DPP10: variants seen among roughly 807,000 people sequenced by gnomAD.
DPP10 encodes the protein dipeptidyl peptidase like 10.
In DPP10, 33 loss-of-function variants were observed where a neutral mutation model predicts 120.9. The ratio of observed to expected loss-of-function variants is 0.27; its 90% confidence interval spans 0.21 to 0.37. The LOEUF is 0.37. Ranked by LOEUF, DPP10 falls within the 10% of genes least tolerant of loss-of-function variation. DPP10 has a pLI of 1.00. For missense variants in DPP10, 816 were observed against 942.8 expected, an observed-to-expected ratio of 0.87 and a Z score of 1.76; for synonymous variants, 337 against 326.1, an observed-to-expected ratio of 1.03 and a Z score of -0.36.
In DPP10 at chr2:114,724,319, A is replaced by G. The variant is rs150642125; in HGVS notation, c.60+281481A>G. Among the ~76,000 whole-genome samples the G allele has an allele frequency of 7.9e-3, 1,204 of 152,358 alleles. 15 individuals are homozygous for G. Among genetic ancestry groups the G allele is most frequent in the African/African-American group, 0.027 (1,133 of 41,586 alleles). On this transcript the variant is annotated intron_variant, in intron 1 of 25. Coordinates refer to ENST00000410059, the MANE Select transcript of DPP10 (RefSeq NM_020868.6). ...CTTATAACCTATAGTTCAATAACGT[A>G]TAATCAATCACTAATCAATGTTATC...
Position 114,881,578 on chromosome 2 carries a change from ATCTGTCTG to A in DPP10, c.61-427645_61-427638del, listed in dbSNP as rs746459323. 4.7e-3 allele frequency among the ~76,000 whole-genome samples: 468 copies of A among 99,162 alleles called. 5 individuals are homozygous for A. Among genetic ancestry groups the A allele is most frequent in the African/African-American group, 0.013 (440 of 32,894 alleles). 65.1% of individuals were successfully genotyped at this position (99,162 alleles called of 152,430 possible). The stretch of plus-strand genomic sequence containing the variant: ...CTATCTATGTATCATCTATCTATCT[ATCTGTCTG>A]TCTGTCTGTCTGTCTATCTATCTAT... On this transcript the variant is annotated intron_variant, in intron 1 of 25. Transcript: ENST00000410059.
chr2:115,200,543 G>A (rs7593121), intron 1 of DPP10, among the ~76,000 whole-genome samples: 84,731 of 152,088 alleles, frequency 0.56, 24,584 homozygotes, highest in Middle Eastern at 0.71. Flanking sequence ...TTCATTATGC[G>A]GAAGAATAAG....
intron 3 of DPP10, among the ~76,000 whole-genome samples, chr2:115,366,661 G>T (rs544110056): frequency 6.6e-6 from 1 of 152,022 alleles, no homozygotes; most frequent in African/African-American, 2.4e-5. Flanking sequence ...TTGAAGGAAG[G>T]TCTGTCTATC....
At chr2:114,571,023 C>T (rs536851804) in intron 1 of DPP10, among the ~76,000 whole-genome samples, 171 of 152,140 alleles carry the variant, frequency 1.1e-3, no homozygotes, top group African/African-American at 4.0e-3. Context: ...GACTCATCTA[C>T]TGGATCATAG....
intron 15 of DPP10, among the ~76,000 whole-genome samples, chr2:115,778,851 A>C (rs12992146): frequency 0.29 from 43,784 of 151,912 alleles, 6,784 homozygotes; most frequent in Middle Eastern, 0.44. Flanking sequence ...ACCTCCTGGA[A>C]CGCATGTTCT....
At chr2:115,307,147 G>T (rs1404837742) in intron 1 of DPP10, among the ~76,000 whole-genome samples, 2 of 152,026 alleles carry the variant, frequency 1.3e-5, no homozygotes, top group Non-Finnish European at 2.9e-5. Flanking sequence ...AATCTTACCA[G>T]ATTATTTTGA....
chr2:114,712,380 G>C (rs1701083495), intron 1 of DPP10, among the ~76,000 whole-genome samples: 1 of 152,096 alleles, frequency 6.6e-6, no homozygotes, highest in Admixed American at 6.6e-5. Flanking sequence ...CTTAATTTTG[G>C]AAATCCATAA....
chr2:114,939,524 C>A (rs1417870340), intron 1 of DPP10, among the ~76,000 whole-genome samples: 1 of 151,968 alleles, frequency 6.6e-6, no homozygotes, highest in African/African-American at 2.4e-5. Flanking sequence ...ACAAAACCTA[C>A]CTACTTTTGC....
At chr2:114,666,116 C>A (rs1697903621) in intron 1 of DPP10, among the ~76,000 whole-genome samples, 1 of 152,074 alleles carries the variant, frequency 6.6e-6, no homozygotes, top group Non-Finnish European at 1.5e-5. Context: ...GAGTTTTACC[C>A]ATCACTGAAC....
chr2:114,802,729 T>C (rs1357290960), intron 1 of DPP10, among the ~76,000 whole-genome samples: 2 of 152,196 alleles, frequency 1.3e-5, no homozygotes, highest in Non-Finnish European at 2.9e-5. Flanking sequence ...TTAGTTTTCC[T>C]TGTACATTAA....
chr2:115,429,123 T>C (rs1317908072), intron 3 of DPP10, among the ~76,000 whole-genome samples: 4 of 152,142 alleles, frequency 2.6e-5, no homozygotes, highest in Admixed American at 6.5e-5. Flanking sequence ...GTAATTATTT[T>C]AGTGAATAAA....
chr2:114,732,973 A>C (rs904644307), intron 1 of DPP10, among the ~76,000 whole-genome samples: 37 of 152,160 alleles, frequency 2.4e-4, no homozygotes, highest in African/African-American at 8.7e-4. Context: ...TCTATGCTCT[A>C]TTTCACTGCA....
intron 13 of DPP10, 46 bp downstream of exon 13, chr2:115,768,450 T>TCC: frequency 6.5e-7 from 1 of 1,547,986 alleles, no homozygotes; most frequent in Non-Finnish European, 8.9e-7. Flanking sequence ...TGTCCTCATG[T>TCC]CCCCGAAGGC....
chr2:114,443,777 T>G (rs554298899), intron 1 of DPP10, among the ~76,000 whole-genome samples: 6 of 152,018 alleles, frequency 3.9e-5, no homozygotes, highest in African/African-American at 1.2e-4. Flanking sequence ...CTCATTAACA[T>G]ACAAGTGCAT....
chr2:115,161,352 C>G (rs2052319775), intron 1 of DPP10: 1 of 152,208 alleles, frequency 6.6e-6, no homozygotes, highest in South Asian at 2.1e-4. Flanking sequence ...CTGGAGCCAC[C>G]CAGTGCTTCG....
rs191959024 is a variant in DPP10, at chr2:114,952,062, G to A, written c.61-357177G>A. On this transcript the variant is annotated intron_variant, in intron 1 of 25. Transcript: ENST00000410059. ...ATAAGTAGTTTACACATATAATTTC[G>A]GTGCTAGAATTCAGTATATAATTTT... Among the ~76,000 whole-genome samples the A allele has an allele frequency of 1.5e-3, 229 of 151,414 alleles. 1 individual carries two copies. In the East Asian group the frequency reaches 0.02, roughly 13 times the overall value.
At chr2:115,652,214 G>C (rs2149380962) in intron 5 of DPP10, among the ~76,000 whole-genome samples, 1 of 151,986 alleles carries the variant, frequency 6.6e-6, no homozygotes, top group Admixed American at 6.6e-5. Flanking sequence ...ATAAGTTTAT[G>C]GTTTAAGTAC....
At chr2:115,677,622 CTATATT>C (rs1291271072) in intron 5 of DPP10, among the ~76,000 whole-genome samples, 1 of 152,002 alleles carries the variant, frequency 6.6e-6, no homozygotes, top group African/African-American at 2.4e-5. Context: ...AGCAGGAAAG[CTATATT>C]TATATCAGAT....
intron 3 of DPP10, among the ~76,000 whole-genome samples, chr2:115,405,904 G>C (rs912302526): frequency 1.3e-5 from 2 of 152,152 alleles, no homozygotes; most frequent in Admixed American, 6.5e-5. Flanking sequence ...AAACAGCCTG[G>C]AAGATCTTTG....
Sources: allele counts gnomAD v4.1 joint callset (sites outside exome capture counted in the v4.1 genomes callset), GRCh38; gene constraint gnomAD v4.1.1; transcripts MANE v1.5; gene names NCBI Gene and HGNC (gene_info 2026-07-23, HGNC 2026-07-21).